Variants in FYB1 observed in about 807,000 individuals in gnomAD.
The protein encoded by FYB1 is FYN binding protein 1, also known as FYN-binding protein 1.
A neutral mutation model predicts 94.1 loss-of-function variants in FYB1; 41 were observed. The observed-to-expected ratio is 0.44, with a 90% CI of 0.34 to 0.57. The LOEUF is 0.57. Ranked by LOEUF, FYB1 falls within the 20% of genes least tolerant of loss-of-function variation. The pLI, the probability that FYB1 is intolerant of heterozygous loss-of-function variation, is 0.02. For missense variants in FYB1, 1,050 were observed against 976.8 expected, an observed-to-expected ratio of 1.07 and a Z score of -1.00; for synonymous variants, 367 against 353.2, an observed-to-expected ratio of 1.04 and a Z score of -0.44.
At chr5:39,174,550 T>C (rs567298867) in intron 2 of FYB1, among the ~76,000 whole-genome samples, 1 of 152,312 alleles carries the variant, frequency 6.6e-6, no homozygotes, top group East Asian at 1.9e-4. Flanking sequence ...AAGGAAACCC[T>C]GAAAAACACT....
At chr5:39,122,709 G>A (rs1013894748) in intron 13 of FYB1, among the ~76,000 whole-genome samples, 1 of 152,078 alleles carries the variant, frequency 6.6e-6, no homozygotes, top group African/African-American at 2.4e-5. Context: ...TGAATGTCAG[G>A]AGTGGCAAAT....
chr5:39,119,280 T>C (rs1274533130), intron 15 of FYB1, among the ~76,000 whole-genome samples: 1 of 152,092 alleles, frequency 6.6e-6, no homozygotes, highest in Non-Finnish European at 1.5e-5. Context: ...ATTTAGGTGA[T>C]TATCACAGTG....
chr5:39,205,024 T>C (rs1269803592), intron 1 of FYB1, among the ~76,000 whole-genome samples: 2 of 151,912 alleles, frequency 1.3e-5, no homozygotes, highest in Non-Finnish European at 2.9e-5. Flanking sequence ...GGGGAGGGAA[T>C]AGGAGAGAAT....
At position 39,202,736 on chromosome 5, in the gene FYB1, G is replaced by A; in HGVS notation, c.225C>T (p.Asp75=). ...AVKPSSEEKP[D]KEPKPPFLKP... is the part of the protein sequence containing the mutation. ...TTAGAAACGGGGGCTTGGGTTCCTT[G>A]TCAGGCTTTTCCTCAGAAGAAGGTT... Residue 75 remains aspartate, a synonymous_variant, in exon 2 of 19, where the codon GAC becomes GAT. Transcript: ENST00000512982. 1 of 1,613,962 alleles carries A rather than the reference G, an allele frequency of 6.2e-7. No individual in the cohort carries two copies. The highest frequency in any genetic ancestry group is 8.5e-7 in the Non-Finnish European group (1 of 1,179,872).
At chr5:39,212,488 A>AT (rs775320650) in intron 1 of FYB1, among the ~76,000 whole-genome samples, 7 of 152,120 alleles carry the variant, frequency 4.6e-5, no homozygotes, top group Non-Finnish European at 1.0e-4. Context: ...ACAATGTGGG[A>AT]TATCCTCCCT....
chr5:39,270,926 A>G (rs925738175), intron 1 of FYB1: 21 of 166,584 alleles, frequency 1.3e-4, no homozygotes, highest in South Asian at 4.0e-4. Flanking sequence ...TTGGATACAT[A>G]TGTGTGTGTG....
In FYB1 at chr5:39,201,907, T is replaced by C. The variant is rs1748352128; in HGVS notation, c.1054A>G (p.Thr352Ala). The change falls in exon 2 of 19, where the codon ACC (threonine) becomes GCC (alanine). Residue 352 changes from threonine (T) to alanine (A), a missense_variant. Transcript: ENST00000512982. ...PKQKPLPPLF[T>A]LGPPPPKPNR... is the part of the protein sequence containing the mutation. ...GGTTTTGGTGGAGGTGGACCCAAGG[T>C]AAACAAGGGAGGCAATGGCTTCTGT... 1.2e-6 allele frequency: 2 copies of C among 1,613,876 alleles called. No individual in the cohort carries two copies. The highest frequency in any genetic ancestry group is 1.7e-6 in the Non-Finnish European group (2 of 1,179,888).
intron 10 of FYB1, among the ~76,000 whole-genome samples, chr5:39,129,062 C>T (rs1267335499): frequency 6.6e-6 from 1 of 151,990 alleles, no homozygotes; most frequent in African/African-American, 2.4e-5. Context: ...ATCACACTCC[C>T]TGATTTTGTG....
chr5:39,204,790 A>C (rs1031303222), intron 1 of FYB1, among the ~76,000 whole-genome samples: 2 of 152,208 alleles, frequency 1.3e-5, no homozygotes, highest in Admixed American at 1.3e-4. Context: ...GTAGGAGGCT[A>C]GGGATTTAGG....
intron 2 of FYB1, 27 bp downstream of exon 2, chr5:39,201,799 T>C (rs369674059): frequency 4.4e-5 from 70 of 1,586,996 alleles, no homozygotes; most frequent in East Asian, 1.3e-4. Context: ...TAAACCATAC[T>C]GAATAGCAAA....
At chr5:39,145,470 T>C (rs1407466404) in intron 3 of FYB1, among the ~76,000 whole-genome samples, 1 of 152,162 alleles carries the variant, frequency 6.6e-6, no homozygotes, top group African/African-American at 2.4e-5. Flanking sequence ...AGTTGTCCAA[T>C]CATTAATCAA....
chr5:39,162,516 C>T (rs947802140), intron 2 of FYB1, among the ~76,000 whole-genome samples: 2 of 152,084 alleles, frequency 1.3e-5, no homozygotes, highest in African/African-American at 4.8e-5. Flanking sequence ...GAAACCCCGT[C>T]TCTACTAAAA....
intron 2 of FYB1, among the ~76,000 whole-genome samples, chr5:39,154,991 T>C (rs185049879): frequency 5.9e-5 from 9 of 152,364 alleles, no homozygotes; most frequent in Non-Finnish European, 1.0e-4. Context: ...GATATTAATC[T>C]TTTTGTTTCT....
intron 7 of FYB1, among the ~76,000 whole-genome samples, chr5:39,136,742 C>T (rs1030187087): frequency 6.6e-6 from 1 of 152,100 alleles, no homozygotes; most frequent in Non-Finnish European, 1.5e-5. Context: ...ATGCATTGAA[C>T]CTTTGCTTTA....
At chr5:39,227,939 C>A (rs1478686295) in intron 1 of FYB1, among the ~76,000 whole-genome samples, 2 of 152,158 alleles carry the variant, frequency 1.3e-5, no homozygotes, top group Non-Finnish European at 2.9e-5. Flanking sequence ...GAAGACCTTT[C>A]ACCTTGAGAG....
At position 39,202,031 on chromosome 5, in the gene FYB1, A is replaced by G. The variant is rs1407877249; in HGVS notation, c.930T>C (p.Pro310=). Reference sequence around the variant, plus strand: ...TAGAAGGGGCCTTAGGGAACCTGGCAGGAGGAGTCCCTGAGGCCAACTCTT... The same window carrying G: ...TAGAAGGGGCCTTAGGGAACCTGGCGGGAGGAGTCCCTGAGGCCAACTCTT... The part of the protein sequence containing the change: ...NQEELASGTP[P]ARFPKAPSKL... Residue 310 remains proline (P), a synonymous_variant, in exon 2 of 19, where the codon CCT becomes CCC. Transcript: ENST00000512982. 3 of 1,614,008 alleles carry G rather than the reference A, an allele frequency of 1.9e-6. No homozygotes were observed. The highest frequency in any genetic ancestry group is 1.3e-5 in the African/African-American group (1 of 75,060).
chr5:39,270,600 C>T, intron 1 of FYB1: 1 of 1,534,324 alleles, frequency 6.5e-7, no homozygotes, highest in Non-Finnish European at 8.7e-7. Context: ...ATATGCCTGG[C>T]ACACAATGAC....
intron 2 of FYB1, among the ~76,000 whole-genome samples, chr5:39,168,186 A>G (rs974064681): frequency 3.3e-5 from 5 of 152,068 alleles, no homozygotes; most frequent in African/African-American, 1.2e-4. Flanking sequence ...TTCATATTCC[A>G]TTTTTAATTA....
At chr5:39,227,518 T>A (rs936667668) in intron 1 of FYB1, among the ~76,000 whole-genome samples, 1 of 152,240 alleles carries the variant, frequency 6.6e-6, no homozygotes, top group Admixed American at 6.5e-5. Flanking sequence ...TTGGTGTAAA[T>A]CTAGATGAAA....
Sources: gnomAD v4.1 joint callset for allele counts (sites outside exome capture counted in the v4.1 genomes callset) on GRCh38, gnomAD v4.1.1 for gene constraint, MANE v1.5 for transcripts, NCBI Gene and HGNC (gene_info 2026-07-23, HGNC 2026-07-21) for gene names.